DIP2B: variants seen among roughly 807,000 people sequenced by gnomAD.
DIP2B encodes DIP2 acetate--CoA ligase B (putative).
DIP2B carries 76 observed loss-of-function variants against 198.0 expected under a neutral mutation model. The observed-to-expected ratio is 0.38, with a 90% confidence interval of 0.32 to 0.46. The LOEUF (loss-of-function observed/expected upper bound fraction) is 0.46. Ranked by LOEUF, DIP2B falls within the 20% of genes least tolerant of loss-of-function variation. The probability of loss-of-function intolerance (pLI) is 0.99; values close to 1 mark genes in which losing one functional copy is unlikely to be tolerated. For missense variants in DIP2B, 1,559 were observed against 1,978.4 expected (o/e 0.79, Z 4.02); for synonymous variants, 701 against 739.1 (o/e 0.95, Z 0.84).
At chr12:50,514,065 CTTT>C (rs71083583) in intron 1 of DIP2B, among the ~76,000 whole-genome samples, 9 of 118,796 alleles carry the variant, frequency 7.6e-5, no homozygotes, top group Non-Finnish European at 8.8e-5. Context: ...ACTCAGTTGT[CTTT>C]TTTTTTTTTT....
At chr12:50,737,870 G>A (rs1592149236) in intron 35 of DIP2B, among the ~76,000 whole-genome samples, 2 of 152,254 alleles carry the variant, frequency 1.3e-5, no homozygotes, top group South Asian at 4.2e-4. Flanking sequence ...TTACAGGCAT[G>A]AGCCCCCATG....
At position 50,732,525 on chromosome 12, in the gene DIP2B, A is replaced by G. The variant is rs747914761; in HGVS notation, c.3970A>G (p.Ile1324Val). The stretch of plus-strand genomic sequence containing the variant: ...TTTTGGATCAAGAGTCAATGTAGCA[A>G]TATGTTTACAGGTGACCCTCATGAA... ...TTFGSRVNVA[I>V]CLQGTSGPDP... Residue 1324 changes from isoleucine to valine, a missense_variant, in exon 32 of 38, where the codon ATA (isoleucine) becomes GTA (valine). By Grantham distance (29) the Ile-to-Val change is conservative. Transcript: ENST00000301180. 1.9e-6 allele frequency: 3 copies of G among 1,614,180 alleles called. No individual in the cohort carries two copies. The highest frequency in any genetic ancestry group is 1.1e-5 in the South Asian group (1 of 91,088).
Position 50,685,850 on chromosome 12 carries a change from G to T in DIP2B, c.1335G>T (p.Gln445His). The change falls in exon 11 of 38, where the codon CAG (glutamine) becomes CAT (histidine). Residue 445 changes from glutamine (Q) to histidine (H), a missense_variant. Transcript: ENST00000301180. The stretch of plus-strand genomic sequence containing the variant: ...CTCCACAGGATGCTGGAGGTCAGCA[G>T]ATTGGCTTCTTGCTAGGAAGCTGTG... The part of the protein sequence containing the change: ...PLTRKDAGGQ[Q>H]IGFLLGSCGI... 1 of 1,613,762 alleles carries T rather than the reference G, an allele frequency of 6.2e-7. No homozygotes were observed. The highest frequency in any genetic ancestry group is 1.1e-5 in the South Asian group (1 of 91,046).
At chr12:50,724,739 C>T (rs1939900004) in intron 27 of DIP2B, 36 bp from the exon 28 acceptor site, 7 of 1,595,278 alleles carry the variant, frequency 4.4e-6, no homozygotes, top group Non-Finnish European at 6.0e-6. Context: ...TGGGGCTGAG[C>T]CTCCTGATGC....
intron 3 of DIP2B, among the ~76,000 whole-genome samples, chr12:50,658,954 G>A (rs1019765186): frequency 3.9e-5 from 6 of 152,184 alleles, no homozygotes; most frequent in African/African-American, 7.2e-5. Flanking sequence ...GGGCGTGGTG[G>A]CGTGTACCTG....
intron 4 of DIP2B, among the ~76,000 whole-genome samples, chr12:50,666,914 C>T (rs1431377561): frequency 2.0e-5 from 3 of 152,020 alleles, no homozygotes; most frequent in Non-Finnish European, 4.4e-5. Flanking sequence ...CCCAGCTACT[C>T]GGGACGCTGA....
In DIP2B at chr12:50,723,268, C is replaced by G; in HGVS notation, c.3233C>G (p.Pro1078Arg). The G allele has an allele frequency of 6.2e-7, 1 of 1,614,168 alleles. No individual in the cohort carries two copies. The highest frequency in any genetic ancestry group is 8.5e-7 in the Non-Finnish European group (1 of 1,180,032). Residue 1078 changes from proline (P) to arginine (R), a missense_variant, in exon 27 of 38, where the codon CCT (proline) becomes CGT (arginine). Transcript: ENST00000301180. ...GGCTGTATACCTGTGACCGTCAGACCTCCACATGCTCAGAACCTCACGGCC... is the reference window on the plus strand; with the variant it reads ...GGCTGTATACCTGTGACCGTCAGACGTCCACATGCTCAGAACCTCACGGCC... ...YAGCIPVTVR[P>R]PHAQNLTATL...
intron 7 of DIP2B, among the ~76,000 whole-genome samples, chr12:50,676,086 T>A (rs1351797659): frequency 6.6e-6 from 1 of 152,198 alleles, no homozygotes; most frequent in Non-Finnish European, 1.5e-5. Context: ...AGTGTAACAG[T>A]GATTTATTCA....
At chr12:50,505,578 A>G (rs770937355) in intron 1 of DIP2B, among the ~76,000 whole-genome samples, 1 of 152,112 alleles carries the variant, frequency 6.6e-6, no homozygotes, top group Non-Finnish European at 1.5e-5. Context: ...GGTGAGGGGT[A>G]GGGCTGCGAG....
intron 1 of DIP2B, among the ~76,000 whole-genome samples, chr12:50,512,219 G>A (rs1958024339): frequency 6.7e-6 from 1 of 148,398 alleles, no homozygotes; most frequent in Admixed American, 6.9e-5. Flanking sequence ...TGATTCTCCT[G>A]CTTCAGCCTA....
chr12:50,649,920 C>CA (rs1264580504), intron 3 of DIP2B, among the ~76,000 whole-genome samples: 2 of 151,834 alleles, frequency 1.3e-5, no homozygotes, highest in African/African-American at 4.8e-5. Flanking sequence ...TATTAAGTGC[C>CA]AAACGAGCCC....
At chr12:50,552,007 C>T (rs899079504) in intron 1 of DIP2B, among the ~76,000 whole-genome samples, 3 of 152,146 alleles carry the variant, frequency 2.0e-5, no homozygotes, top group Middle Eastern at 3.2e-3. Flanking sequence ...ATAGTGGCTG[C>T]ACCATTTTAC....
intron 3 of DIP2B, among the ~76,000 whole-genome samples, chr12:50,649,791 G>A (rs1037882644): frequency 2.0e-5 from 3 of 152,196 alleles, no homozygotes; most frequent in Non-Finnish European, 4.4e-5. Context: ...AGGAGGTGGA[G>A]GCTGCTGTGA....
chr12:50,676,308 A>G (rs1938945160), intron 7 of DIP2B, among the ~76,000 whole-genome samples: 1 of 152,196 alleles, frequency 6.6e-6, no homozygotes, highest in Non-Finnish European at 1.5e-5. Context: ...CCTGAGACTA[A>G]TAGTAATAGG....
At chr12:50,723,701 G>A (rs2139589330) in intron 27 of DIP2B, among the ~76,000 whole-genome samples, 1 of 151,984 alleles carries the variant, frequency 6.6e-6, no homozygotes, top group South Asian at 2.1e-4. Flanking sequence ...GAAGTGAGCT[G>A]AGATTATGCC....
At chr12:50,588,027 G>A (rs1485065143) in intron 1 of DIP2B, among the ~76,000 whole-genome samples, 2 of 152,158 alleles carry the variant, frequency 1.3e-5, no homozygotes, top group Admixed American at 6.6e-5. Flanking sequence ...ATACCAATGG[G>A]TGAAAGCAAA....
intron 23 of DIP2B, among the ~76,000 whole-genome samples, chr12:50,718,042 G>A (rs1939765170): frequency 6.6e-6 from 1 of 151,576 alleles, no homozygotes; most frequent in Non-Finnish European, 1.5e-5. Flanking sequence ...TGGGACTACA[G>A]GTGTGTACCA....
At chr12:50,651,148 A>T (rs181323892) in intron 3 of DIP2B, among the ~76,000 whole-genome samples, 7 of 152,250 alleles carry the variant, frequency 4.6e-5, no homozygotes, top group African/African-American at 7.2e-5. Context: ...AGAAATGTCT[A>T]TTCAAGTTCT....
At chr12:50,733,019 C>T (rs970592243) in intron 32 of DIP2B, among the ~76,000 whole-genome samples, 2 of 151,996 alleles carry the variant, frequency 1.3e-5, no homozygotes, top group African/African-American at 2.4e-5. Context: ...GGTTCTCTCA[C>T]GTCAGCCTCC....
Sources: gnomAD v4.1 joint callset for allele counts (sites outside exome capture counted in the v4.1 genomes callset) on GRCh38, gnomAD v4.1.1 for gene constraint, MANE v1.5 for transcripts, NCBI Gene and HGNC (gene_info 2026-07-23, HGNC 2026-07-21) for gene names.